Variants in NDUFB6 observed in about 807,000 individuals in gnomAD.
NDUFB6 encodes NADH:ubiquinone oxidoreductase subunit B6, also known as NADH dehydrogenase [ubiquinone] 1 beta subcomplex subunit 6.
Under a neutral mutation model 17.5 loss-of-function variants are expected in NDUFB6, and 23 were observed. The ratio of observed to expected loss-of-function variants is 1.31; its 90% CI spans 0.94 to 1.86. NDUFB6 has a LOEUF of 1.86. Among genes scored for constraint, NDUFB6 ranks in the 40% most tolerant of loss-of-function variants. The probability of loss-of-function intolerance (pLI) is 0.00; values close to 1 mark genes in which losing one functional copy is unlikely to be tolerated. For synonymous variants in NDUFB6, 60 were observed against 53.5 expected, an observed-to-expected ratio of 1.12 and a Z score of -0.53; for missense variants, 167 against 153.8, an observed-to-expected ratio of 1.09 and a Z score of -0.46.
At chr9:32,566,866 A>G in intron 2 of NDUFB6, 1 of 678,530 alleles carries the variant, frequency 1.5e-6, no homozygotes, top group Non-Finnish European at 2.5e-6. Context: ...GGCCTGGATG[A>G]GCCACGCGTG....
intron 3 of NDUFB6, among the ~76,000 whole-genome samples, chr9:32,557,388 C>T (rs1394919790): frequency 1.3e-5 from 2 of 151,798 alleles, no homozygotes; most frequent in Non-Finnish European, 2.9e-5. Context: ...AGGCTGGTCT[C>T]GAACCCCTAG....
intron 3 of NDUFB6, among the ~76,000 whole-genome samples, chr9:32,556,174 C>G (rs148608205): frequency 3.4e-3 from 513 of 152,274 alleles, no homozygotes; most frequent in African/African-American, 7.6e-3. Context: ...AGAAAGAAGC[C>G]AAGAGCTGTT....
intron 2 of NDUFB6, chr9:32,566,107 C>T (rs1023719738): frequency 1.8e-5 from 9 of 510,210 alleles, no homozygotes; most frequent in Middle Eastern, 3.5e-4. Flanking sequence ...ATTATGCCCA[C>T]GACAGGCCTC....
chr9:32,568,568 G>A (rs1389931804), intron 2 of NDUFB6: 2 of 178,216 alleles, frequency 1.1e-5, no homozygotes. Context: ...CTATCAAACA[G>A]CATCTCATGC....
At chr9:32,558,017 CACAA>C (rs1821517714) in intron 3 of NDUFB6, among the ~76,000 whole-genome samples, 1 of 152,184 alleles carries the variant, frequency 6.6e-6, no homozygotes, top group South Asian at 2.1e-4. Context: ...ACAATAACCT[CACAA>C]ACAGCTAGTA....
In NDUFB6 at chr9:32,553,829, T is replaced by C. The variant is rs377628900; in HGVS notation, c.*47A>G. 9.7e-6 allele frequency: 12 copies of C among 1,235,236 alleles called. No homozygotes were observed. The highest frequency in any genetic ancestry group is 4.5e-5 in the African/African-American group (3 of 66,130). The allele number at this position is 1,235,236 out of a possible 1,614,324, so 76.5% of individuals were successfully genotyped here. A position where few individuals can be genotyped will look rare whatever the true frequency, so the allele number is the denominator to read the frequency against. On this transcript the variant is annotated 3_prime_UTR_variant, in exon 4 of 4. Transcript: ENST00000379847. ...AGAAAATTCAGTAAATATGGTAATA[T>C]AGGAACAAACTTAGGCTCATAAGCC...
intron 2 of NDUFB6, among the ~76,000 whole-genome samples, chr9:32,568,837 G>A (rs1587651468): frequency 1.4e-5 from 2 of 140,970 alleles, no homozygotes; most frequent in South Asian, 4.7e-4. Flanking sequence ...TGCAACCTCC[G>A]CCTCCCGGGT....
At chr9:32,567,761 T>C (rs1451692413) in intron 2 of NDUFB6, 1 of 315,268 alleles carries the variant, frequency 3.2e-6, no homozygotes, top group African/African-American at 2.2e-5. Context: ...AAGTAAATGT[T>C]GTGTGTTGTG....
In NDUFB6 at chr9:32,553,705, C is replaced by T; in HGVS notation, c.*171G>A. On this transcript the variant is annotated 3_prime_UTR_variant, in exon 4 of 4. Coordinates refer to ENST00000379847, the MANE Select transcript of NDUFB6 (RefSeq NM_002493.5). ...CTCTCATATTTGTTTAGCATGTCCA[C>T]TTTTTACTTATTGTTAAATTACTCA... is the stretch of plus-strand genomic sequence containing the variant. 2 of 568,780 alleles carry T rather than the reference C, an allele frequency of 3.5e-6. No individual in the cohort carries two copies. Among genetic ancestry groups the T allele is most frequent in the Non-Finnish European group, 6.3e-6 (2 of 318,990 alleles). 35.2% of individuals were successfully genotyped at this position (568,780 alleles called of 1,614,324 possible).
At chr9:32,564,138 G>A (rs976708143) in intron 2 of NDUFB6, among the ~76,000 whole-genome samples, 1 of 152,058 alleles carries the variant, frequency 6.6e-6, no homozygotes, top group African/African-American at 2.4e-5. Context: ...ACACAAACAC[G>A]CATGCACACA....
chr9:32,554,783 C>G (rs1821409672), intron 3 of NDUFB6, among the ~76,000 whole-genome samples: 1 of 152,190 alleles, frequency 6.6e-6, no homozygotes, highest in Non-Finnish European at 1.5e-5. Context: ...TAATAAAAAT[C>G]AAGCTATAGG....
intron 2 of NDUFB6, chr9:32,566,667 C>T (rs1821800137): frequency 3.7e-6 from 3 of 812,204 alleles, no homozygotes; most frequent in East Asian, 2.4e-5. Flanking sequence ...CAGGTAACTC[C>T]GGATCCGGCT....
Position 32,572,871 on chromosome 9 carries a change from T to A in NDUFB6, c.180+10A>T. The stretch of plus-strand genomic sequence containing the variant: ...TGTGTTGGGGGGGACCGGAGAGGTC[T>A]GTCACTCACCATTTTCCTCCAAGGG... On this transcript the variant is annotated intron_variant, in intron 1 of 3. Coordinates refer to ENST00000379847, the MANE Select transcript of NDUFB6 (RefSeq NM_002493.5). 2.6e-6 allele frequency: 4 copies of A among 1,564,184 alleles called. No homozygotes were observed. The highest frequency in any genetic ancestry group is 3.5e-6 in the Non-Finnish European group (4 of 1,154,644).
chr9:32,567,005 C>T (rs547456030), intron 2 of NDUFB6: 8 of 501,456 alleles, frequency 1.6e-5, no homozygotes, highest in African/African-American at 7.7e-5. Flanking sequence ...CATCCTCGTA[C>T]GAGGGAGCTA....
At chr9:32,554,033 T>C (rs1317304960) in intron 3 of NDUFB6, 89 bp from the exon 4 acceptor site, 14 of 788,126 alleles carry the variant, frequency 1.8e-5, no homozygotes, top group Admixed American at 1.6e-4. Flanking sequence ...AGATCTCACA[T>C]GGAAAATGTA....
At chr9:32,555,262 A>G (rs1276252704) in intron 3 of NDUFB6, among the ~76,000 whole-genome samples, 1 of 152,204 alleles carries the variant, frequency 6.6e-6, no homozygotes, top group Non-Finnish European at 1.5e-5. Flanking sequence ...TAAATAAAAA[A>G]TCAGGACCTT....
intron 3 of NDUFB6, among the ~76,000 whole-genome samples, chr9:32,557,757 G>A (rs143909152): frequency 0.01 from 1,522 of 152,058 alleles, 32 homozygotes; most frequent in African/African-American, 0.035. Context: ...GATTACACGC[G>A]TGAGCCACCG....
chr9:32,561,552 C>T (rs1022348606), intron 2 of NDUFB6, among the ~76,000 whole-genome samples: 7 of 152,032 alleles, frequency 4.6e-5, no homozygotes, highest in Non-Finnish European at 1.0e-4. Flanking sequence ...TGGTCTCGAA[C>T]CTCTGAGCTC....
At chr9:32,569,090 G>C (rs2119035230) in intron 2 of NDUFB6, among the ~76,000 whole-genome samples, 1 of 152,148 alleles carries the variant, frequency 6.6e-6, no homozygotes, top group African/African-American at 2.4e-5. Context: ...ACTCCAGCCT[G>C]CAACAACCAT....
Sources: allele counts gnomAD v4.1 joint callset (sites outside exome capture counted in the v4.1 genomes callset), GRCh38; gene constraint gnomAD v4.1.1; transcripts MANE v1.5; gene names NCBI Gene and HGNC (gene_info 2026-07-23, HGNC 2026-07-21).